Variants in ABI1 observed in about 807,000 individuals in gnomAD.
ABI1 encodes the protein Abelson interactor 1.
A neutral mutation model predicts 54.6 loss-of-function variants in ABI1; 14 were observed. The ratio of observed to expected loss-of-function variants is 0.26; its 90% CI spans 0.17 to 0.40. The LOEUF is 0.40. ABI1 is among the 10% of genes least tolerant of loss of function. ABI1 has a pLI of 1.00. For missense variants in ABI1, 443 were observed against 598.3 expected (o/e 0.74, Z 2.71); for synonymous variants, 194 against 209.3 (o/e 0.93, Z 0.63).
At chr10:26,818,722 T>A (rs925058229) in intron 2 of ABI1, among the ~76,000 whole-genome samples, 2 of 151,112 alleles carry the variant, frequency 1.3e-5, no homozygotes, top group Non-Finnish European at 2.9e-5. Flanking sequence ...TGGCGACTTA[T>A]ACCTGTAATC....
chr10:26,753,252 C>A (rs935471644), intron 9 of ABI1, among the ~76,000 whole-genome samples: 4 of 152,132 alleles, frequency 2.6e-5, no homozygotes, highest in Admixed American at 2.6e-4. Context: ...ATTAATTTTT[C>A]TGCCTCATTC....
At chr10:26,811,908 C>G (rs896241015) in intron 2 of ABI1, among the ~76,000 whole-genome samples, 8 of 152,126 alleles carry the variant, frequency 5.3e-5, no homozygotes, top group African/African-American at 1.9e-4. Flanking sequence ...GAAATCTGAA[C>G]AAAATCTTAC....
Position 26,777,223 on chromosome 10 carries a change from C to G in ABI1, c.304G>C (p.Glu102Gln). The G allele has an allele frequency of 6.2e-7, 1 of 1,606,068 alleles. No homozygotes were observed. The highest frequency in any genetic ancestry group is 8.5e-7 in the Non-Finnish European group (1 of 1,177,608). ...HISQTVDIHK[E>Q]KVARREIGIL... ...CCAATCTCTCTTCGTGCCACTTTCT[C>G]CTTATGAATATCCACAGTCTATATT... is the stretch of plus-strand genomic sequence containing the variant. Residue 102 changes from glutamate (E) to glutamine (Q), a missense_variant, in exon 3 of 11, where the codon GAG (glutamate) becomes CAG (glutamine). By Grantham distance (29) the Glu-to-Gln change is conservative. Coordinates refer to ENST00000376140, the MANE Select transcript of ABI1 (RefSeq NM_001012750.3).
At chr10:26,859,552 G>A (rs2051127679) in intron 1 of ABI1, among the ~76,000 whole-genome samples, 2 of 152,144 alleles carry the variant, frequency 1.3e-5, no homozygotes, top group Admixed American at 6.5e-5. Context: ...GTGCTACTTT[G>A]TTTCTAGCGC....
intron 7 of ABI1, among the ~76,000 whole-genome samples, chr10:26,761,982 C>T (rs1413483280): frequency 6.6e-6 from 1 of 151,932 alleles, no homozygotes; most frequent in Non-Finnish European, 1.5e-5. Context: ...TCTCAAACTT[C>T]ATCATTGATC....
intron 3 of ABI1, among the ~76,000 whole-genome samples, chr10:26,775,103 G>C (rs1841215967): frequency 6.6e-6 from 1 of 151,944 alleles, no homozygotes; most frequent in Non-Finnish European, 1.5e-5. Flanking sequence ...AATAATTTTG[G>C]CCTGGCATGT....
intron 2 of ABI1, among the ~76,000 whole-genome samples, chr10:26,777,981 G>C (rs1380773799): frequency 6.6e-6 from 1 of 151,990 alleles, no homozygotes; most frequent in Non-Finnish European, 1.5e-5. Context: ...CAACTAACTA[G>C]GTTGAAAAGG....
intron 2 of ABI1, among the ~76,000 whole-genome samples, chr10:26,810,617 C>T (rs1248987414): frequency 6.6e-6 from 1 of 151,976 alleles, no homozygotes; most frequent in East Asian, 1.9e-4. Flanking sequence ...CAAAAGCAGC[C>T]GTAACAATAT....
Position 26,770,681 on chromosome 10 carries a change from A to C in ABI1, c.478-336T>G, listed in dbSNP as rs1588819600. 5.4e-6 allele frequency: 3 copies of C among 551,492 alleles called. No individual in the cohort carries two copies. The East Asian group carries it at 1.1e-4, about 20-fold the overall frequency. The allele number at this position is 551,492 out of a possible 1,614,324, so 34.2% of individuals were successfully genotyped here. On this transcript the variant is annotated intron_variant, in intron 4 of 10. Coordinates refer to ENST00000376140, the MANE Select transcript of ABI1 (RefSeq NM_001012750.3). ...TTTTTGAAATGTGTGCATGAACACA[A>C]ACTATAGATCTTACTTGTCAATTTG...
rs186933310 is a variant in ABI1 at position 26,783,850 on chromosome 10, T to G, written c.286-6609A>C. On this transcript the variant is annotated intron_variant, in intron 2 of 10. Transcript: ENST00000376140. ...CTAGAGTGGCTCATGTGGACAAAAG[T>G]AGGAGACATAAAAGGGTCTCTGTAA... 1.6e-3 allele frequency among the ~76,000 whole-genome samples: 238 copies of G among 152,264 alleles called. 1 individual carries two copies. Among genetic ancestry groups the G allele is most frequent in the Non-Finnish European group, 2.4e-4 (16 of 68,008 alleles).
intron 1 of ABI1, among the ~76,000 whole-genome samples, chr10:26,845,635 C>T (rs2049914940): frequency 6.6e-6 from 1 of 152,098 alleles, no homozygotes; most frequent in Admixed American, 6.5e-5. Flanking sequence ...AAGAGCGAAA[C>T]TCTGTCTCAA....
chr10:26,759,340 A>G (rs1160729118), intron 7 of ABI1, 102 bp from the exon 8 acceptor site: 27 of 964,718 alleles, frequency 2.8e-5, no homozygotes, highest in Non-Finnish European at 3.7e-5. Flanking sequence ...AGAAATATTT[A>G]TTACTTTTTC....
At chr10:26,781,802 C>T (rs913622217) in intron 2 of ABI1, among the ~76,000 whole-genome samples, 1 of 152,158 alleles carries the variant, frequency 6.6e-6, no homozygotes. Flanking sequence ...CAGTAAGGGT[C>T]CATTGTCTGA....
chr10:26,844,581 C>T (rs900306218), intron 1 of ABI1, among the ~76,000 whole-genome samples: 7 of 152,176 alleles, frequency 4.6e-5, no homozygotes, highest in African/African-American at 1.7e-4. Context: ...AGCTTTATTC[C>T]TATTCTCCAA....
intron 2 of ABI1, among the ~76,000 whole-genome samples, chr10:26,809,070 GA>G (rs2047056574): frequency 1.3e-5 from 2 of 152,086 alleles, no homozygotes; most frequent in South Asian, 4.1e-4. Context: ...AGGAGTTTGA[GA>G]CCAGCCTGGC....
At chr10:26,798,162 A>T (rs373849777) in intron 2 of ABI1, among the ~76,000 whole-genome samples, 1 of 152,238 alleles carries the variant, frequency 6.6e-6, no homozygotes, top group African/African-American at 2.4e-5. Flanking sequence ...TTTGGCCTCT[A>T]GCAAAGGAGC....
intron 6 of ABI1, among the ~76,000 whole-genome samples, chr10:26,768,417 A>C (rs535267902): frequency 6.6e-6 from 1 of 151,928 alleles, no homozygotes; most frequent in Non-Finnish European, 1.5e-5. Flanking sequence ...TCAGGCCTGT[A>C]ATCCCAGCTA....
At chr10:26,842,190 A>C (rs897006292) in intron 1 of ABI1, among the ~76,000 whole-genome samples, 12 of 152,206 alleles carry the variant, frequency 7.9e-5, no homozygotes, top group African/African-American at 2.4e-4. Context: ...AATGCTGTTG[A>C]GTACCTTTTC....
intron 2 of ABI1, among the ~76,000 whole-genome samples, chr10:26,800,079 T>C (rs1358607474): frequency 6.6e-6 from 1 of 151,002 alleles, no homozygotes; most frequent in Non-Finnish European, 1.5e-5. Context: ...CAAAAAGTCA[T>C]CCTTAATATA....
Sources: gnomAD v4.1 joint callset for allele counts (sites outside exome capture counted in the v4.1 genomes callset) on GRCh38, gnomAD v4.1.1 for gene constraint, MANE v1.5 for transcripts, NCBI Gene and HGNC (gene_info 2026-07-23, HGNC 2026-07-21) for gene names.